The following SYN2 variants were observed in gnomAD, a reference collection of about 807,000 sequenced individuals.
The protein encoded by SYN2 is synapsin-2.
Under a neutral mutation model 50.9 loss-of-function variants are expected in SYN2, and 19 were observed. The ratio of observed to expected loss-of-function variants is 0.37; its 90% CI spans 0.26 to 0.55. The LOEUF (loss-of-function observed/expected upper bound fraction) is 0.55. Among genes scored for constraint, SYN2 ranks in the 20% least tolerant of loss-of-function variants. The probability of loss-of-function intolerance (pLI) is 0.81; values close to 1 mark genes in which losing one functional copy is unlikely to be tolerated. For synonymous variants in SYN2, 255 were observed against 224.9 expected (o/e 1.13, Z -1.20); for missense variants, 587 against 576.4 (o/e 1.02, Z -0.19).
At chr3:12,153,617 C>T in intron 5 of SYN2, 1 of 1,614,174 alleles carries the variant, frequency 6.2e-7, no homozygotes, top group Non-Finnish European at 8.5e-7. Flanking sequence ...AATGCTGAGC[C>T]TGGTAACCAT....
intron 1 of SYN2, among the ~76,000 whole-genome samples, chr3:12,079,493 TGA>T (rs1345109809): frequency 6.6e-6 from 1 of 152,204 alleles, no homozygotes; most frequent in East Asian, 1.9e-4. Flanking sequence ...CCTAGTTTAT[TGA>T]GAGTTTTTAA....
intron 1 of SYN2, among the ~76,000 whole-genome samples, chr3:12,013,552 C>T (rs1053575476): frequency 3.9e-5 from 6 of 152,100 alleles, no homozygotes; most frequent in African/African-American, 1.2e-4. Context: ...GGTTAAGAGT[C>T]GTTTGATCCA....
chr3:12,106,113 G>T (rs1174879648), intron 1 of SYN2, among the ~76,000 whole-genome samples: 1 of 152,132 alleles, frequency 6.6e-6, no homozygotes, highest in Non-Finnish European at 1.5e-5. Flanking sequence ...GTTTCTTGTG[G>T]TTATAGGACT....
At chr3:12,071,009 T>C in intron 1 of SYN2, 1 of 552,302 alleles carries the variant, frequency 1.8e-6, no homozygotes. Flanking sequence ...TCCTGGTGTC[T>C]GGAGGCGCTG....
At chr3:12,090,346 A>G (rs997456054) in intron 1 of SYN2, among the ~76,000 whole-genome samples, 12 of 147,842 alleles carry the variant, frequency 8.1e-5, no homozygotes, top group Admixed American at 4.1e-4. Context: ...GAAACAGGTC[A>G]TACCTAGGAT....
At chr3:12,178,578 A>G (rs1272723371) in intron 10 of SYN2, among the ~76,000 whole-genome samples, 1 of 152,248 alleles carries the variant, frequency 6.6e-6, no homozygotes, top group Non-Finnish European at 1.5e-5. Context: ...TACAGAAGGC[A>G]TGGTATAACC....
intron 1 of SYN2, among the ~76,000 whole-genome samples, chr3:12,018,753 G>A (rs1694071694): frequency 6.6e-6 from 1 of 152,160 alleles, no homozygotes; most frequent in African/African-American, 2.4e-5. Flanking sequence ...TTCTTCATGA[G>A]ATAATGTCTA....
chr3:12,038,391 T>C (rs553581892), intron 1 of SYN2, among the ~76,000 whole-genome samples: 1 of 152,290 alleles, frequency 6.6e-6, no homozygotes, highest in Non-Finnish European at 1.5e-5. Context: ...AAAAAACTTT[T>C]TTTTGGCTAT....
At chr3:12,139,094 G>T (rs1233632630) in intron 1 of SYN2, among the ~76,000 whole-genome samples, 1 of 152,166 alleles carries the variant, frequency 6.6e-6, no homozygotes, top group Non-Finnish European at 1.5e-5. Flanking sequence ...TGGGGCAGAG[G>T]TGGGGGGTGG....
chr3:12,056,709 A>G (rs138844272), intron 1 of SYN2, among the ~76,000 whole-genome samples: 1 of 152,286 alleles, frequency 6.6e-6, no homozygotes, highest in East Asian at 1.9e-4. Flanking sequence ...GCAGGAGTTC[A>G]AGCCCAAATT....
chr3:12,147,956 C>G (rs931900960), intron 4 of SYN2, among the ~76,000 whole-genome samples: 1 of 151,406 alleles, frequency 6.6e-6, no homozygotes, highest in Non-Finnish European at 1.5e-5. Context: ...ACTAAAAATA[C>G]AAAAAAAATT....
At position 12,116,685 on chromosome 3, in the gene SYN2, G is replaced by C. The variant is rs993018834; in HGVS notation, c.378-23966G>C. 3.3e-5 allele frequency among the ~76,000 whole-genome samples: 5 copies of C among 152,310 alleles called. No homozygotes were observed. In the East Asian group the frequency reaches 9.6e-4, roughly 29 times the overall value. On this transcript the variant is annotated intron_variant, in intron 1 of 12. Coordinates refer to ENST00000621198, the MANE Select transcript of SYN2 (RefSeq NM_133625.6). ...TCAGAGGCATTTATCATATTTTGGA[G>C]AGGGTTCCCCTTTGTTGATTACAAA...
intron 1 of SYN2, among the ~76,000 whole-genome samples, chr3:12,039,140 T>C (rs981677284): frequency 6.6e-6 from 1 of 152,214 alleles, no homozygotes; most frequent in African/African-American, 2.4e-5. Context: ...TGAAATGCTT[T>C]TTCTGTGTCT....
At chr3:12,112,776 A>G (rs1430979174) in intron 1 of SYN2, among the ~76,000 whole-genome samples, 2 of 152,168 alleles carry the variant, frequency 1.3e-5, no homozygotes, top group Non-Finnish European at 2.9e-5. Flanking sequence ...TCATTATACT[A>G]TACCACAGCT....
At chr3:12,028,637 C>T (rs1694317890) in intron 1 of SYN2, among the ~76,000 whole-genome samples, 1 of 143,672 alleles carries the variant, frequency 7.0e-6, no homozygotes, top group African/African-American at 2.9e-5. Context: ...TGATGATAAG[C>T]ATTTTTTCAT....
At chr3:12,076,365 T>G (rs1323677306) in intron 1 of SYN2, among the ~76,000 whole-genome samples, 2 of 152,068 alleles carry the variant, frequency 1.3e-5, no homozygotes, top group Non-Finnish European at 2.9e-5. Context: ...AAAGTAATTG[T>G]TTTTTGAACC....
chr3:12,151,446 T>A, intron 5 of SYN2, 120 bp downstream of exon 5: 2 of 753,488 alleles, frequency 2.7e-6, no homozygotes, highest in Non-Finnish European at 4.6e-6. Context: ...TCCACTGGGG[T>A]TGAACTATAG....
At chr3:12,066,022 C>A (rs1349982557) in intron 1 of SYN2, among the ~76,000 whole-genome samples, 1 of 152,094 alleles carries the variant, frequency 6.6e-6, no homozygotes, top group Non-Finnish European at 1.5e-5. Flanking sequence ...GTAATGGGTA[C>A]ATGGTTTCTG....
intron 5 of SYN2, among the ~76,000 whole-genome samples, chr3:12,157,660 A>G (rs1697498819): frequency 6.6e-6 from 1 of 152,150 alleles, no homozygotes; most frequent in Non-Finnish European, 1.5e-5. Flanking sequence ...CCCTGCAGTC[A>G]CTGGAAGTTC....
Sources: gnomAD v4.1 joint callset for allele counts (sites outside exome capture counted in the v4.1 genomes callset) on GRCh38, gnomAD v4.1.1 for gene constraint, MANE v1.5 for transcripts, NCBI Gene and HGNC (gene_info 2026-07-23, HGNC 2026-07-21) for gene names.